Variants in CACNA2D3 observed in about 807,000 individuals in gnomAD.
CACNA2D3 encodes the protein calcium voltage-gated channel auxiliary subunit alpha2delta 3, also known as voltage-dependent calcium channel subunit alpha-2/delta-3.
CACNA2D3 carries 60 observed loss-of-function variants against 160.6 expected under a neutral mutation model. The ratio of observed to expected loss-of-function variants is 0.37; its 90% confidence interval spans 0.30 to 0.46. CACNA2D3 has a LOEUF of 0.46. CACNA2D3 is among the 20% of genes least tolerant of loss of function. The pLI is 1.00. For synonymous variants in CACNA2D3, 558 were observed against 492.9 expected (o/e 1.13, Z -1.75); for missense variants, 1,205 against 1,365.0 (o/e 0.88, Z 1.85).
intron 6 of CACNA2D3, among the ~76,000 whole-genome samples, chr3:54,568,832 G>A (rs1458866560): frequency 1.3e-5 from 2 of 152,160 alleles, no homozygotes; most frequent in African/African-American, 2.4e-5. Context: ...GGTTATCTGT[G>A]TGATAATTTG....
At chr3:54,618,352 C>CATACATATATATATATATATAT (rs56316245) in intron 9 of CACNA2D3, among the ~76,000 whole-genome samples, 5 of 119,886 alleles carry the variant, frequency 4.2e-5, no homozygotes, top group African/African-American at 1.6e-4. Flanking sequence ...TTGATACATA[C>CATACATATATATATATATATAT]ATATATATAT....
intron 11 of CACNA2D3, among the ~76,000 whole-genome samples, chr3:54,684,335 T>A (rs1445986029): frequency 6.6e-6 from 1 of 152,178 alleles, no homozygotes; most frequent in Non-Finnish European, 1.5e-5. Context: ...TCAACTTGAC[T>A]GTATCTGCGA....
intron 3 of CACNA2D3, chr3:54,385,850 G>A: frequency 4.2e-6 from 2 of 471,734 alleles, no homozygotes; most frequent in Non-Finnish European, 8.4e-6. Context: ...AAATAGAAGT[G>A]GTCAAATTTT....
intron 11 of CACNA2D3, among the ~76,000 whole-genome samples, chr3:54,703,931 A>G (rs918014099): frequency 1.3e-5 from 2 of 152,164 alleles, no homozygotes; most frequent in Non-Finnish European, 2.9e-5. Flanking sequence ...TCAGACCCCT[A>G]CCTCTACCCC....
chr3:54,506,876 C>T (rs1467913355), intron 5 of CACNA2D3, among the ~76,000 whole-genome samples: 2 of 152,164 alleles, frequency 1.3e-5, no homozygotes, highest in East Asian at 3.9e-4. Context: ...GATGCTTTTG[C>T]AAGAACTGCT....
chr3:54,790,294 C>A (rs1447831644), intron 13 of CACNA2D3, among the ~76,000 whole-genome samples: 1 of 152,164 alleles, frequency 6.6e-6, no homozygotes, highest in Non-Finnish European at 1.5e-5. Context: ...TAGGGACCTG[C>A]CTTCTCCCCT....
At chr3:54,715,445 A>G (rs1420973545) in intron 11 of CACNA2D3, among the ~76,000 whole-genome samples, 1 of 152,016 alleles carries the variant, frequency 6.6e-6, no homozygotes, top group Non-Finnish European at 1.5e-5. Context: ...GTTTTTTATG[A>G]AGGATTCATT....
Position 54,475,809 on chromosome 3 carries a change from T to TGTGTGTGTGTGTGTGTGTGTG in CACNA2D3, c.382-27683_382-27682insGTGTGTGTGTGTGTGTGTGTG, listed in dbSNP as rs138448154. ...ATCCATCTTCTCACATGGTTACCAT[T>TGTGTGTGTGTGTGTGTGTGTG]TGTGTGTGTGTGTGTGTGTGTGTGT... On this transcript the variant is annotated intron_variant, in intron 4 of 37. Transcript: ENST00000474759. 2.1e-5 allele frequency among the ~76,000 whole-genome samples: 3 copies of TGTGTGTGTGTGTGTGTGTGTG among 142,822 alleles called. No homozygotes were observed. In the South Asian group the frequency reaches 7.1e-4, roughly 34 times the overall value. 93.7% of individuals were successfully genotyped at this position (142,822 alleles called of 152,430 possible).
chr3:54,737,079 A>T (rs943975954), intron 11 of CACNA2D3, among the ~76,000 whole-genome samples: 1 of 152,186 alleles, frequency 6.6e-6, no homozygotes. Flanking sequence ...TGTATGCAAT[A>T]ACCTTATTCA....
chr3:54,152,374 A>G (rs912340580), intron 2 of CACNA2D3, among the ~76,000 whole-genome samples: 8 of 152,070 alleles, frequency 5.3e-5, no homozygotes, highest in Non-Finnish European at 8.8e-5. Flanking sequence ...ATTTGATAGG[A>G]CTTTAAAATG....
At chr3:54,473,646 C>G (rs1234968180) in intron 4 of CACNA2D3, among the ~76,000 whole-genome samples, 1 of 152,110 alleles carries the variant, frequency 6.6e-6, no homozygotes, top group African/African-American at 2.4e-5. Context: ...TGACAAAGGA[C>G]TAATATCCAG....
chr3:54,759,438 C>T (rs532917590), intron 12 of CACNA2D3, among the ~76,000 whole-genome samples: 2 of 148,196 alleles, frequency 1.3e-5, no homozygotes, highest in Admixed American at 6.7e-5. Flanking sequence ...TCCTATTATC[C>T]ATCATTTGTT....
At chr3:54,468,286 C>T (rs1700664589) in intron 4 of CACNA2D3, among the ~76,000 whole-genome samples, 1 of 152,162 alleles carries the variant, frequency 6.6e-6, no homozygotes. Context: ...GGAGGGTGAG[C>T]TGAAGCAGAG....
Position 54,723,802 on chromosome 3 carries a change from A to C in CACNA2D3, c.1168-28797A>C, listed in dbSNP as rs142625470. ...CACCTTCTGCGTTGATCTCACTGGGAGCTGCAGACCGCAGCTGTTCCTATT... is the reference window on the plus strand; with the variant it reads ...CACCTTCTGCGTTGATCTCACTGGGCGCTGCAGACCGCAGCTGTTCCTATT... On this transcript the variant is annotated intron_variant, in intron 11 of 37. Transcript: ENST00000474759. Among the ~76,000 whole-genome samples, 869 of 152,308 alleles carry C rather than the reference A, an allele frequency of 5.7e-3. 16 individuals are homozygous for C. Among genetic ancestry groups the C allele is most frequent in the African/African-American group, 0.02 (830 of 41,572 alleles).
intron 11 of CACNA2D3, among the ~76,000 whole-genome samples, chr3:54,692,973 T>C (rs1259606086): frequency 6.6e-6 from 1 of 152,054 alleles, no homozygotes; most frequent in African/African-American, 2.4e-5. Context: ...GGCTTGGGGA[T>C]TTAAGAGTTG....
At chr3:54,503,408 G>T (rs1701323270) in intron 4 of CACNA2D3, 84 bp from the exon 5 acceptor site, 2 of 1,201,808 alleles carry the variant, frequency 1.7e-6, no homozygotes, top group African/African-American at 3.0e-5. Flanking sequence ...GTAAGGGATG[G>T]CACATGGCCT....
In CACNA2D3 at chr3:54,803,301, G is replaced by A. The variant is rs191286023; in HGVS notation, c.1381-13552G>A. Reference sequence around the variant, plus strand: ...AATTCAAACCAAAGGCAAAGAAGTTGAAAACTTTGAAAAAAATTTAGACGA... The same window carrying A: ...AATTCAAACCAAAGGCAAAGAAGTTAAAAACTTTGAAAAAAATTTAGACGA... On this transcript the variant is annotated intron_variant, in intron 13 of 37. Transcript: ENST00000474759. Among the ~76,000 whole-genome samples, 232 of 152,184 alleles carry A rather than the reference G, an allele frequency of 1.5e-3. 1 individual carries two copies. Among genetic ancestry groups the A allele is most frequent in the African/African-American group, 5.2e-3 (214 of 41,522 alleles).
chr3:54,555,406 A>G (rs1702228071), intron 5 of CACNA2D3, among the ~76,000 whole-genome samples: 2 of 152,184 alleles, frequency 1.3e-5, no homozygotes, highest in Admixed American at 1.3e-4. Flanking sequence ...AAGGTATGCA[A>G]GGGTGTATAG....
intron 11 of CACNA2D3, among the ~76,000 whole-genome samples, chr3:54,747,036 T>C (rs1199272533): frequency 6.6e-6 from 1 of 152,218 alleles, no homozygotes; most frequent in Non-Finnish European, 1.5e-5. Flanking sequence ...GTAAACTCCT[T>C]AAAGTTTTGC....
Sources: allele counts gnomAD v4.1 joint callset (sites outside exome capture counted in the v4.1 genomes callset), GRCh38; gene constraint gnomAD v4.1.1; transcripts MANE v1.5; gene names NCBI Gene and HGNC (gene_info 2026-07-23, HGNC 2026-07-21).